The following SEPTIN14 variants were observed in gnomAD, a reference collection of about 807,000 sequenced individuals.
The protein encoded by SEPTIN14 is septin 14.
SEPTIN14 carries 40 observed loss-of-function variants against 53.6 expected under a neutral mutation model. The ratio of observed to expected loss-of-function variants is 0.75; its 90% CI spans 0.58 to 0.97. The LOEUF is 0.97. SEPTIN14 is among the 50% of genes least tolerant of loss of function. The pLI, the probability that SEPTIN14 is intolerant of heterozygous loss-of-function variation, is 0.00. For missense variants in SEPTIN14, 471 were observed against 508.2 expected, an observed-to-expected ratio of 0.93 and a Z score of 0.70; for synonymous variants, 138 against 166.8, an observed-to-expected ratio of 0.83 and a Z score of 1.33.
chr7:55,857,475 G>T, intron 2 of SEPTIN14, among the ~76,000 whole-genome samples: 1 of 101,432 alleles, frequency 9.9e-6, no homozygotes, highest in African/African-American at 3.9e-5. Context: ...GAGGGGAGAG[G>T]AAGGGAGGGG....
intron 9 of SEPTIN14, chr7:55,797,854 A>G (rs10282177): frequency 0.43 from 65,049 of 152,516 alleles, 14,584 homozygotes; most frequent in African/African-American, 0.57. Flanking sequence ...CTGAGATTGC[A>G]CCACTGCACT....
chr7:55,834,626 A>T (rs749304353), intron 5 of SEPTIN14, 40 bp from the exon 6 acceptor site: 1 of 1,515,486 alleles, frequency 6.6e-7, no homozygotes, highest in South Asian at 1.2e-5. Context: ...ATCATTGTTC[A>T]TCTCACAGTT....
At chr7:55,854,641 G>A (rs576325866) in intron 2 of SEPTIN14, among the ~76,000 whole-genome samples, 144 of 152,200 alleles carry the variant, frequency 9.5e-4, no homozygotes, top group African/African-American at 3.3e-3. Flanking sequence ...TGTTAGCCAG[G>A]ATGGTCTCAA....
chr7:55,846,430 AG>A, intron 3 of SEPTIN14, 86 bp downstream of exon 3: 1 of 855,928 alleles, frequency 1.2e-6, no homozygotes, highest in Non-Finnish European at 1.8e-6. Context: ...TTGAATTAAT[AG>A]CATCAATGTT....
chr7:55,823,626 G>A (rs1427187961), intron 6 of SEPTIN14, among the ~76,000 whole-genome samples: 1 of 152,182 alleles, frequency 6.6e-6, no homozygotes, highest in Non-Finnish European at 1.5e-5. Context: ...CCCAAGCAAG[G>A]CCCAGGTGGG....
intron 2 of SEPTIN14, among the ~76,000 whole-genome samples, chr7:55,854,461 G>A (rs929337789): frequency 2.6e-5 from 4 of 151,032 alleles, no homozygotes; most frequent in African/African-American, 4.9e-5. Flanking sequence ...ACGGAGTCTC[G>A]CTCTGTCGCC....
intron 2 of SEPTIN14, among the ~76,000 whole-genome samples, chr7:55,855,383 A>G (rs1376862925): frequency 6.6e-6 from 1 of 152,134 alleles, no homozygotes; most frequent in South Asian, 2.1e-4. Flanking sequence ...CGAAGGAGAG[A>G]CAGAAACCCA....
intron 5 of SEPTIN14, among the ~76,000 whole-genome samples, chr7:55,839,982 T>C (rs970547424): frequency 6.8e-6 from 1 of 147,390 alleles, no homozygotes; most frequent in African/African-American, 2.5e-5. Context: ...TTGTCTCTAC[T>C]AAAAATACAA....
At position 55,846,649 on chromosome 7, in the gene SEPTIN14, CA is replaced by C; in HGVS notation, c.55-13del. On this transcript the variant is annotated splice_polypyrimidine_tract_variant and intron_variant, in intron 2 of 9. Coordinates refer to ENST00000388975, the MANE Select transcript of SEPTIN14 (RefSeq NM_207366.3). ...TTATTTTCTTTTTGCTTAAATAAAACAAAAATTTAGAGTTTTGTGTTAGAAT... is the reference window on the plus strand; with the variant it reads ...TTATTTTCTTTTTGCTTAAATAAAACAAAATTTAGAGTTTTGTGTTAGAAT... 7.4e-7 allele frequency: 1 copy of C among 1,359,600 alleles called. No homozygotes were observed. The highest frequency in any genetic ancestry group is 2.3e-5 in the East Asian group (1 of 42,938). 84.2% of individuals were successfully genotyped at this position (1,359,600 alleles called of 1,614,324 possible).
chr7:55,804,267 G>GTTT (rs778497124), intron 9 of SEPTIN14, among the ~76,000 whole-genome samples: 96 of 129,100 alleles, frequency 7.4e-4, no homozygotes, highest in African/African-American at 2.5e-3. Context: ...GGTTTTTTTT[G>GTTT]TTTTTTTTTT....
In SEPTIN14 at chr7:55,815,609, C is replaced by T. The variant is rs542982847; in HGVS notation, c.817+3518G>A. Among the ~76,000 whole-genome samples, 8 of 152,038 alleles carry T rather than the reference C, an allele frequency of 5.3e-5. 1 individual carries two copies. In the South Asian group the frequency reaches 1.7e-3, roughly 32 times the overall value. On this transcript the variant is annotated intron_variant, in intron 7 of 9. Transcript: ENST00000388975. The stretch of plus-strand genomic sequence containing the variant: ...GCAAATGAAAAGGTGCTCAATATCA[C>T]TGATTACCAGAGAAAGGCAAATAAA...
intron 2 of SEPTIN14, among the ~76,000 whole-genome samples, chr7:55,849,375 G>T (rs973650162): frequency 1.3e-5 from 2 of 151,814 alleles, no homozygotes; most frequent in Non-Finnish European, 2.9e-5. Context: ...ATAGGTCTTA[G>T]AAAAAATTAA....
At chr7:55,834,314 T>C (rs1461796949) in intron 6 of SEPTIN14, 111 bp downstream of exon 6, 4 of 682,610 alleles carry the variant, frequency 5.9e-6, no homozygotes, top group Non-Finnish European at 9.3e-6. Flanking sequence ...TTACAAAGAA[T>C]CGATTCTCAG....
intron 3 of SEPTIN14, 106 bp downstream of exon 3, chr7:55,846,411 A>G (rs1442954527): frequency 1.3e-6 from 1 of 754,194 alleles, no homozygotes; most frequent in Non-Finnish European, 2.1e-6. Context: ...TGTAAACATG[A>G]AGATATATTT....
At chr7:55,806,330 T>C (rs1262162987) in intron 8 of SEPTIN14, among the ~76,000 whole-genome samples, 2 of 152,054 alleles carry the variant, frequency 1.3e-5, no homozygotes, top group Non-Finnish European at 2.9e-5. Flanking sequence ...AAACACCTGC[T>C]CTCAAACTTT....
At chr7:55,818,535 A>C (rs1210616013) in intron 7 of SEPTIN14, among the ~76,000 whole-genome samples, 1 of 151,668 alleles carries the variant, frequency 6.6e-6, no homozygotes, top group African/African-American at 2.4e-5. Flanking sequence ...TCCATTCCCC[A>C]ATAATTATAT....
intron 7 of SEPTIN14, among the ~76,000 whole-genome samples, chr7:55,810,587 G>T (rs1282405947): frequency 1.3e-5 from 2 of 149,452 alleles, no homozygotes; most frequent in Middle Eastern, 3.2e-3. Context: ...CAATTCTCCT[G>T]CCTCAGCCTC....
rs1327802132 is a variant in SEPTIN14 at position 55,834,492 on chromosome 7, T to C, written c.653A>G (p.Asn218Ser). The C allele has an allele frequency of 3.1e-6, 5 of 1,612,988 alleles. No homozygotes were observed. The highest frequency in any genetic ancestry group is 2.2e-5 in the East Asian group (1 of 44,874). Reference protein sequence around the residue: ...KNKIMSELISNGIQIYQLPTD... With the variant: ...KNKIMSELISSGIQIYQLPTD... The stretch of plus-strand genomic sequence containing the variant: ...TGGGAGCTGATATATCTGGATGCCA[T>C]TGCTAATCAATTCACTCATTATCTT... The change falls in exon 6 of 10, where the codon AAT becomes AGT. Residue 218 changes from asparagine to serine, a missense_variant. By Grantham distance (46) the Asn-to-Ser change is conservative. Coordinates refer to ENST00000388975, the MANE Select transcript of SEPTIN14 (RefSeq NM_207366.3).
chr7:55,846,631 CT>C lies in SEPTIN14; in HGVS notation c.60del (p.Glu21LysfsTer7). On this transcript the variant is annotated frameshift_variant, in exon 3 of 10. Coordinates refer to ENST00000388975, the MANE Select transcript of SEPTIN14 (RefSeq NM_207366.3). LOFTEE classifies it high-confidence loss of function. Reference protein sequence around the residue: ...TQIPADGDTQKENNIRCLTTI... With the variant: ...TQIPADGDTQXENNIRCLTTI... ...GTAGTTAAACAACGAATATTATTTT[CT>C]TTTTGCTTAAATAAAACAAAAATTT... The C allele has an allele frequency of 6.8e-7, 1 of 1,466,684 alleles. No homozygotes were observed. Among genetic ancestry groups the C allele is most frequent in the Non-Finnish European group, 9.4e-7 (1 of 1,062,736 alleles). 90.9% of individuals were successfully genotyped at this position (1,466,684 alleles called of 1,614,324 possible). A position where few individuals can be genotyped will look rare whatever the true frequency, so the allele number is the denominator to read the frequency against.
Sources: gnomAD v4.1 joint callset for allele counts (sites outside exome capture counted in the v4.1 genomes callset) on GRCh38, gnomAD v4.1.1 for gene constraint, MANE v1.5 for transcripts, NCBI Gene and HGNC (gene_info 2026-07-23, HGNC 2026-07-21) for gene names.